Variants in MARCHF10 observed in about 807,000 individuals in gnomAD.
MARCHF10 encodes membrane associated ring-CH-type finger 10.
In MARCHF10, 64 loss-of-function variants were observed where a neutral mutation model predicts 76.2. That is an observed-to-expected ratio of 0.84 (90% confidence interval 0.69 to 1.03). The LOEUF (loss-of-function observed/expected upper bound fraction) is 1.03, where lower values mean the gene tolerates loss of function less well. MARCHF10 is among the 50% of genes least tolerant of loss of function. The probability of loss-of-function intolerance (pLI) is 0.00; values close to 1 mark genes in which losing one functional copy is unlikely to be tolerated. For missense variants in MARCHF10, 875 were observed against 958.0 expected, an observed-to-expected ratio of 0.91 and a Z score of 1.14; for synonymous variants, 340 against 357.5, an observed-to-expected ratio of 0.95 and a Z score of 0.55.
intron 10 of MARCHF10, among the ~76,000 whole-genome samples, chr17:62,703,998 T>A (rs2089411793): frequency 6.6e-6 from 1 of 152,028 alleles, no homozygotes; most frequent in African/African-American, 2.4e-5. Context: ...TCGCCGCAGG[T>A]TTCCCCGGAC....
At chr17:62,795,489 A>C (rs1049872083) in intron 2 of MARCHF10, among the ~76,000 whole-genome samples, 4 of 152,140 alleles carry the variant, frequency 2.6e-5, no homozygotes, top group African/African-American at 4.8e-5. Flanking sequence ...CAATATGCCA[A>C]ATAGATGTTT....
chr17:62,765,669 C>T (rs369493507), intron 3 of MARCHF10, among the ~76,000 whole-genome samples: 12 of 152,108 alleles, frequency 7.9e-5, no homozygotes, highest in African/African-American at 2.9e-4. Context: ...AAACTTCGCG[C>T]TGCAAGTTAC....
chr17:62,769,262 GCAGGTAAT>G (rs1358761525), intron 3 of MARCHF10, among the ~76,000 whole-genome samples: 1 of 152,182 alleles, frequency 6.6e-6, no homozygotes, highest in Non-Finnish European at 1.5e-5. Context: ...TTTGTAACTA[GCAGGTAAT>G]CAGTGGGATG....
At chr17:62,732,111 A>G (rs2147777348) in intron 6 of MARCHF10, among the ~76,000 whole-genome samples, 1 of 152,328 alleles carries the variant, frequency 6.6e-6, no homozygotes, top group East Asian at 1.9e-4. Context: ...AAAACCACAA[A>G]ACTATACTGA....
chr17:62,776,708 C>A (rs948366312), intron 3 of MARCHF10, among the ~76,000 whole-genome samples: 2 of 152,142 alleles, frequency 1.3e-5, no homozygotes, highest in Non-Finnish European at 2.9e-5. Context: ...AGTTATCTGG[C>A]GGAATCTTCA....
chr17:62,736,051 A>G lies in MARCHF10; in HGVS notation c.1817T>C (p.Val606Ala). The G allele has an allele frequency of 6.2e-7, 1 of 1,614,186 alleles. No homozygotes were observed. Among genetic ancestry groups the G allele is most frequent in the African/African-American group, 1.3e-5 (1 of 75,042 alleles). Residue 606 changes from valine to alanine, a missense_variant, in exon 6 of 11, where the codon GTG (valine) becomes GCG (alanine). Coordinates refer to ENST00000311269, the MANE Select transcript of MARCHF10 (RefSeq NM_152598.4). ...QENTPFTFFA[V>A]SHFPNQNDNG... ...ATCATTTTGATTTGGGAAATGAGAC[A>G]CTGCAAAGAAAGTAAATGGTGTATT...
intron 8 of MARCHF10, among the ~76,000 whole-genome samples, chr17:62,719,568 A>G (rs2090383571): frequency 6.7e-6 from 1 of 148,370 alleles, no homozygotes; most frequent in Non-Finnish European, 1.5e-5. Context: ...TTTTTTCTTT[A>G]TCTTTGATTT....
chr17:62,790,604 G>C (rs75223779), intron 2 of MARCHF10, among the ~76,000 whole-genome samples: 4,149 of 152,298 alleles, frequency 0.027, 68 homozygotes, highest in East Asian at 0.058. Flanking sequence ...AATATTGTTT[G>C]TAAACTAGGC....
Position 62,737,221 on chromosome 17 carries a change from TC to T in MARCHF10, c.646del (p.Asp216IlefsTer33). 1 of 1,614,074 alleles carries T rather than the reference TC, an allele frequency of 6.2e-7. No individual in the cohort carries two copies. The highest frequency in any genetic ancestry group is 8.5e-7 in the Non-Finnish European group (1 of 1,180,012). ...SSQPMTENAP[D>X]RAKKGDPSAP... The stretch of plus-strand genomic sequence containing the variant: ...ACTCGGGTCTCCTTTTTTGGCTCTA[TC>T]AGGGGCGTTCTCAGTCATTGGCTGT... On this transcript the variant is annotated frameshift_variant, in exon 6 of 11. Transcript: ENST00000311269. LOFTEE classifies it high-confidence loss of function.
At chr17:62,702,609 T>G (rs2089310694) in intron 10 of MARCHF10, among the ~76,000 whole-genome samples, 1 of 151,886 alleles carries the variant, frequency 6.6e-6, no homozygotes, top group South Asian at 2.1e-4. Flanking sequence ...GAGGCTGCAG[T>G]GAGCCGAGAT....
In MARCHF10 at chr17:62,712,077, GCTCA is replaced by G. The variant is rs2089963800; in HGVS notation, c.2215-737_2215-734del. Among the ~76,000 whole-genome samples the G allele has an allele frequency of 6.6e-6, 1 of 152,176 alleles. No homozygotes were observed. Among genetic ancestry groups the G allele is most frequent in the African/African-American group, 2.4e-5 (1 of 41,450 alleles). ...GGGCTTTGCTGCCAAGAGTGGCTGT[GCTCA>G]CTCTAGACCTTTCACAGACCTTCCA... is the stretch of plus-strand genomic sequence containing the variant. On this transcript the variant is annotated intron_variant, in intron 8 of 10. Transcript: ENST00000311269. The surrounding 1 kb of genome is among the most constrained non-coding windows in gnomAD (Gnocchi z 4.2).
chr17:62,738,616 T>A lies in MARCHF10; in HGVS notation c.536-1284A>T, dbSNP rs1240443394. 6.6e-6 allele frequency among the ~76,000 whole-genome samples: 1 copy of A among 152,060 alleles called. No homozygotes were observed. Among genetic ancestry groups the A allele is most frequent in the East Asian group, 1.9e-4 (1 of 5,184 alleles). On this transcript the variant is annotated intron_variant, in intron 5 of 10. Transcript: ENST00000311269. The surrounding 1 kb of genome is among the most constrained non-coding windows in gnomAD (Gnocchi z 4.0). ...ACAGCTCGGGCTGGTGAAATGCAAA[T>A]CCTCAGAGCATCGGGCACCACCAAG... is the stretch of plus-strand genomic sequence containing the variant.
intron 8 of MARCHF10, chr17:62,714,514 T>C (rs1227280137): frequency 3.2e-6 from 2 of 618,512 alleles, no homozygotes; most frequent in African/African-American, 4.0e-5. Context: ...CCTGCATCTG[T>C]CTTGTTTGCT....
Position 62,735,993 on chromosome 17 carries a change from T to TGTGAAACCAGAG in MARCHF10, c.1863_1874dup (p.Ser622_Thr625dup). On this transcript the variant is annotated inframe_insertion, in exon 6 of 11. Coordinates refer to ENST00000311269, the MANE Select transcript of MARCHF10 (RefSeq NM_152598.4). ...TTATCTTACTGGTTTCCTTTTCATCTGTGAAACCAGAGGCTGCCATCCTGC... is the reference window on the plus strand; with the variant it reads ...TTATCTTACTGGTTTCCTTTTCATCTGTGAAACCAGAGGTGAAACCAGAGGCTGCCATCCTGC... The TGTGAAACCAGAG allele has an allele frequency of 6.2e-7, 1 of 1,613,916 alleles. No homozygotes were observed. Among genetic ancestry groups the TGTGAAACCAGAG allele is most frequent in the South Asian group, 1.1e-5 (1 of 90,964 alleles).
intron 3 of MARCHF10, among the ~76,000 whole-genome samples, chr17:62,778,100 C>A (rs1034804022): frequency 2.0e-5 from 3 of 152,166 alleles, no homozygotes; most frequent in African/African-American, 4.8e-5. Context: ...GAAAGATGTA[C>A]CCCATGGTGG....
intron 2 of MARCHF10, chr17:62,795,103 G>C: frequency 2.0e-6 from 2 of 976,126 alleles, no homozygotes; most frequent in Non-Finnish European, 2.4e-6. Context: ...AGCTCCCTGA[G>C]TGGACAACTC....
In MARCHF10 at chr17:62,711,182, G is replaced by A; in HGVS notation, c.2328+49C>T. On this transcript the variant is annotated intron_variant, in intron 9 of 10. Coordinates refer to ENST00000311269, the MANE Select transcript of MARCHF10 (RefSeq NM_152598.4). This position sits in a 1 kb window ranked among gnomAD's most constrained non-coding sequence, Gnocchi z 4.4. The stretch of plus-strand genomic sequence containing the variant: ...TGCACATCTAATAAACAGCACTGCA[G>A]GGTTTTCAGGGCTGCCACCGGACAG... The A allele has an allele frequency of 6.6e-7, 1 of 1,504,102 alleles. No individual in the cohort carries two copies. The highest frequency in any genetic ancestry group is 9.3e-7 in the Non-Finnish European group (1 of 1,080,944). The allele number at this position is 1,504,102 out of a possible 1,614,324, so 93.2% of individuals were successfully genotyped here.
chr17:62,788,548 C>G lies in MARCHF10; in HGVS notation c.142G>C (p.Asp48His). Residue 48 changes from aspartate (D) to histidine (H), a missense_variant, in exon 3 of 11, where the codon GAT becomes CAT. Coordinates refer to ENST00000311269, the MANE Select transcript of MARCHF10 (RefSeq NM_152598.4). ...CTTGTCTCTTGCCCCCAAAACTGATCGCGTTTCTTCTCATTTGGGTCTCTT... is the reference window on the plus strand; with the variant it reads ...CTTGTCTCTTGCCCCCAAAACTGATGGCGTTTCTTCTCATTTGGGTCTCTT... ...YRRDPNEKKR[D>H]QFWGQETSFE... The G allele has an allele frequency of 1.2e-6, 2 of 1,614,104 alleles. No homozygotes were observed. Among genetic ancestry groups the G allele is most frequent in the Non-Finnish European group, 1.7e-6 (2 of 1,179,996 alleles).
intron 8 of MARCHF10, chr17:62,714,470 A>G (rs2090089774): frequency 2.1e-6 from 2 of 964,288 alleles, no homozygotes; most frequent in Non-Finnish European, 2.5e-6. Flanking sequence ...ATTCCAGGTA[A>G]ATTGTCTGGG....
Sources: gnomAD v4.1 joint callset for allele counts (sites outside exome capture counted in the v4.1 genomes callset) on GRCh38, gnomAD v4.1.1 for gene constraint, Gnocchi (gnomAD v3.1) non-coding constraint, MANE v1.5 for transcripts, NCBI Gene and HGNC (gene_info 2026-07-23, HGNC 2026-07-21) for gene names.